FER1L5: variants seen among roughly 807,000 people sequenced by gnomAD.
FER1L5 encodes the protein fer-1-like protein 5.
FER1L5 carries 187 observed loss-of-function variants against 279.9 expected under a neutral mutation model. The observed-to-expected ratio is 0.67, with a 90% confidence interval of 0.59 to 0.75. The LOEUF is 0.75. FER1L5 is among the 30% of genes least tolerant of loss of function. FER1L5 has a pLI of 0.00. For synonymous variants in FER1L5, 921 were observed against 989.7 expected (o/e 0.93, Z 1.30); for missense variants, 2,091 against 2,594.4 (o/e 0.81, Z 4.21).
rs1025195128 is a variant in FER1L5, at chr2:96,699,197, G to T, written c.4610+61G>T. 2.7e-6 allele frequency: 4 copies of T among 1,505,174 alleles called. No homozygotes were observed. In the African/African-American group the frequency reaches 5.5e-5, roughly 21 times the overall value. The allele number at this position is 1,505,174 out of a possible 1,614,324, so 93.2% of individuals were successfully genotyped here. ...TCCTATCCACACCACACTGGAAGTCGGCCGGAGAAGGCACAGAACTCTGGC... is the reference window on the plus strand; with the variant it reads ...TCCTATCCACACCACACTGGAAGTCTGCCGGAGAAGGCACAGAACTCTGGC... On this transcript the variant is annotated intron_variant, in intron 42 of 52. Transcript: ENST00000624922.
Position 96,698,833 on chromosome 2 carries a change from G to A in FER1L5, c.4518+1G>A, listed in dbSNP as rs777946868. 2 of 1,558,990 alleles carry A rather than the reference G, an allele frequency of 1.3e-6. No individual in the cohort carries two copies. Among genetic ancestry groups the A allele is most frequent in the South Asian group, 2.4e-5 (2 of 84,404 alleles). On this transcript the variant is annotated splice_donor_variant, in intron 41 of 52. Coordinates refer to ENST00000624922, the MANE Select transcript of FER1L5 (RefSeq NM_001293083.2). LOFTEE classifies it high-confidence loss of function. This position sits in a 1 kb window ranked among gnomAD's most constrained non-coding sequence, Gnocchi z 5.5. ...GCAGCCCCAGGACTACAATGGCCTG[G>A]TAAAGAACAGTACCTGCCCCACACA...
chr2:96,686,139 C>T (rs896307291), intron 22 of FER1L5, 22 bp downstream of exon 22: 7 of 1,547,356 alleles, frequency 4.5e-6, no homozygotes, highest in Non-Finnish European at 6.1e-6. Flanking sequence ...ACACACTGGC[C>T]TGCAGCAGGG....
chr2:96,689,369 C>G lies in FER1L5; in HGVS notation c.2518C>G (p.Gln840Glu), dbSNP rs2077053248. ...HWQDSWTVEP[Q>E]RRLLLDIDIN... Reference sequence around the variant, plus strand: ...GCAGGACAGCTGGACAGTGGAACCTCAGAGAAGGTAAGGCCAGAGGGGGCA... The same window carrying G: ...GCAGGACAGCTGGACAGTGGAACCTGAGAGAAGGTAAGGCCAGAGGGGGCA... The change falls in exon 25 of 53, where the codon CAG (glutamine) becomes GAG (glutamate). Residue 840 changes from glutamine to glutamate, a missense_variant. Gln to Glu is a conservative substitution (Grantham distance 29). Coordinates refer to ENST00000624922, the MANE Select transcript of FER1L5 (RefSeq NM_001293083.2). This position sits in a 1 kb window ranked among gnomAD's most constrained non-coding sequence, Gnocchi z 4.6. 3 of 1,549,714 alleles carry G rather than the reference C, an allele frequency of 1.9e-6. No homozygotes were observed. In the African/African-American group the frequency reaches 4.1e-5, roughly 21 times the overall value.
chr2:96,686,276 T>G lies in FER1L5; in HGVS notation c.2155T>G (p.Ser719Ala). Residue 719 changes from serine (S) to alanine (A), a missense_variant, in exon 23 of 53, where the codon TCC (serine) becomes GCC (alanine). Coordinates refer to ENST00000624922, the MANE Select transcript of FER1L5 (RefSeq NM_001293083.2). ...RVAYAQVPAH[S>A]VLFSPAGALH... ...GGCCTATGCACAGGTGCCTGCCCAC[T>G]CCGTCCTCTTCTCCCCGGCAGGGGC... 1 of 1,551,596 alleles carries G rather than the reference T, an allele frequency of 6.4e-7. No individual in the cohort carries two copies. Among genetic ancestry groups the G allele is most frequent in the Non-Finnish European group, 8.7e-7 (1 of 1,146,964 alleles).
chr2:96,647,963 G>T, intron 4 of FER1L5, 77 bp downstream of exon 4: 1 of 1,179,152 alleles, frequency 8.5e-7, no homozygotes, highest in Non-Finnish European at 1.2e-6. Flanking sequence ...CACACCACAA[G>T]AGTGCTTCCT....
intron 5 of FER1L5, 91 bp downstream of exon 5, chr2:96,649,768 G>T: frequency 8.0e-7 from 1 of 1,248,908 alleles, no homozygotes; most frequent in Non-Finnish European, 1.1e-6. Flanking sequence ...TCAAAACCCA[G>T]CCCTTGAGGC....
chr2:96,661,461 G>T (rs2075951711), intron 11 of FER1L5, 21 bp downstream of exon 11: 1 of 1,549,098 alleles, frequency 6.5e-7, no homozygotes, highest in East Asian at 2.4e-5. Flanking sequence ...CCTAACCCCG[G>T]AAACTTTCCT....
At position 96,667,370 on chromosome 2, in the gene FER1L5, G is replaced by A. The variant is rs557381169; in HGVS notation, c.1141-1381G>A. 4.1e-5 allele frequency among the ~76,000 whole-genome samples: 6 copies of A among 147,414 alleles called. No individual in the cohort carries two copies. The South Asian group carries it at 6.4e-4, about 16-fold the overall frequency. ...TTCTTTTTTTTTTTTTTTTTGAGAC[G>A]GAGTTTCGCTCTTGTTGCCTAGGCT... On this transcript the variant is annotated intron_variant, in intron 14 of 52. Transcript: ENST00000624922.
At chr2:96,673,753 T>G (rs1283195477) in intron 19 of FER1L5, among the ~76,000 whole-genome samples, 1 of 152,146 alleles carries the variant, frequency 6.6e-6, no homozygotes, top group East Asian at 1.9e-4. Context: ...GCCAGCAGCA[T>G]CCGCATCACC....
At chr2:96,648,476 G>A (rs557618394) in intron 4 of FER1L5, among the ~76,000 whole-genome samples, 1 of 152,208 alleles carries the variant, frequency 6.6e-6, no homozygotes, top group Non-Finnish European at 1.5e-5. Context: ...TGGAGGCTAC[G>A]GGGGAGCCCA....
Position 96,697,628 on chromosome 2 carries a change from CCCGAGGCCAGAATGATCCT to C in FER1L5, c.4135-30_4135-12del. Reference sequence around the variant, plus strand: ...GCAGGGAGGTGGGGGGCTGCCCCTGCCCGAGGCCAGAATGATCCTCTTCTCTGCCAGGATGAGTATGAGC... The same window carrying C: ...GCAGGGAGGTGGGGGGCTGCCCCTGCCTTCTCTGCCAGGATGAGTATGAGC... On this transcript the variant is annotated splice_polypyrimidine_tract_variant and intron_variant, in intron 38 of 52. Coordinates refer to ENST00000624922, the MANE Select transcript of FER1L5 (RefSeq NM_001293083.2). The C allele has an allele frequency of 6.2e-7, 1 of 1,613,844 alleles. No individual in the cohort carries two copies. Among genetic ancestry groups the C allele is most frequent in the South Asian group, 1.1e-5 (1 of 91,068 alleles).
chr2:96,677,093 C>T (rs1251684762), intron 19 of FER1L5, among the ~76,000 whole-genome samples: 1 of 152,248 alleles, frequency 6.6e-6, no homozygotes, highest in Admixed American at 6.5e-5. Flanking sequence ...CCGCTCGCCT[C>T]AGCTTCCTAA....
At position 96,694,192 on chromosome 2, in the gene FER1L5, G is replaced by C; in HGVS notation, c.3636+120G>C. 1 of 1,402,366 alleles carries C rather than the reference G, an allele frequency of 7.1e-7. No homozygotes were observed. Among genetic ancestry groups the C allele is most frequent in the African/African-American group, 1.4e-5 (1 of 69,496 alleles). The allele number at this position is 1,402,366 out of a possible 1,614,324, so 86.9% of individuals were successfully genotyped here. ...AAATGCCTGGGGCCCAGGATCCCGAGCTGTGGGCTTGGTGACGCTGGCCTG... is the reference window on the plus strand; with the variant it reads ...AAATGCCTGGGGCCCAGGATCCCGACCTGTGGGCTTGGTGACGCTGGCCTG... On this transcript the variant is annotated intron_variant, in intron 33 of 52. Coordinates refer to ENST00000624922, the MANE Select transcript of FER1L5 (RefSeq NM_001293083.2). This position sits in a 1 kb window ranked among gnomAD's most constrained non-coding sequence, Gnocchi z 4.6.
Position 96,698,719 on chromosome 2 carries a change from C to T in FER1L5, c.4405C>T (p.Pro1469Ser), listed in dbSNP as rs866819675. The change falls in exon 41 of 53, where the codon CCC becomes TCC. Residue 1469 changes from proline (P) to serine (S), a missense_variant. Physicochemically the swap from Pro to Ser is moderately conservative, Grantham distance 74. Transcript: ENST00000624922. The surrounding 1 kb of genome is among the most constrained non-coding windows in gnomAD (Gnocchi z 5.5). ...TCCTGAGAATCCAGAAGCCCCAAAG[C>T]CCCCGCTGCAGTTCTTGGTTTGGCC... ...PFPENPEAPK[P>S]PLQFLVWPER... is the part of the protein sequence containing the mutation. 1.9e-6 allele frequency: 3 copies of T among 1,582,944 alleles called. No individual in the cohort carries two copies. Among genetic ancestry groups the T allele is most frequent in the Non-Finnish European group, 2.6e-6 (3 of 1,165,212 alleles).
In FER1L5 at chr2:96,693,611, T is replaced by G. The variant is rs1416572583; in HGVS notation, c.3398T>G (p.Leu1133Arg). ...CAGACACTCATCTTCCAGCACCTCC[T>G]TCTGTACGAGAACCCACAGGACACC... The part of the protein sequence containing the change: ...WAQTLIFQHL[L>R]LYENPQDTKE... The change falls in exon 32 of 53, where the codon CTT (leucine) becomes CGT (arginine). Residue 1133 changes from leucine (L) to arginine (R), a missense_variant. Transcript: ENST00000624922. 8 of 1,551,602 alleles carry G rather than the reference T, an allele frequency of 5.2e-6. No homozygotes were observed. The highest frequency in any genetic ancestry group is 1.4e-5 in the African/African-American group (1 of 73,044).
At chr2:96,699,745 A>C (rs754810854) in intron 43 of FER1L5, 25 bp downstream of exon 43, 5 of 1,612,358 alleles carry the variant, frequency 3.1e-6, no homozygotes, top group Non-Finnish European at 4.2e-6. Context: ...GTCTGGGGGA[A>C]GGGAGTCAGG....
rs2075374767 is a variant in FER1L5 at position 96,651,401 on chromosome 2, C to CCCTTCTTTCTTTCTTTCTTTTCCTTCCTT, written c.505-487_505-459dup. On this transcript the variant is annotated intron_variant, in intron 6 of 52. Coordinates refer to ENST00000624922, the MANE Select transcript of FER1L5 (RefSeq NM_001293083.2). ...CTTTCCTTTCTTTTCCTTCCTCCCTCCCTTCTTTCTTTCTTTCTTTTCCTT... is the reference window on the plus strand; with the variant it reads ...CTTTCCTTTCTTTTCCTTCCTCCCTCCCTTCTTTCTTTCTTTCTTTTCCTTCCTTCCTTCTTTCTTTCTTTCTTTTCCTT... Among the ~76,000 whole-genome samples the CCCTTCTTTCTTTCTTTCTTTTCCTTCCTT allele has an allele frequency of 2.7e-5, 4 of 148,376 alleles. No individual in the cohort carries two copies. The South Asian group carries it at 8.8e-4, about 33-fold the overall frequency.
intron 19 of FER1L5, among the ~76,000 whole-genome samples, chr2:96,675,785 T>G (rs953944200): frequency 6.6e-6 from 1 of 152,036 alleles, no homozygotes; most frequent in Non-Finnish European, 1.5e-5. Flanking sequence ...CTAGCACCAC[T>G]ACGCCCAGCT....
intron 2 of FER1L5, among the ~76,000 whole-genome samples, chr2:96,646,807 C>G (rs1347728877): frequency 6.6e-6 from 1 of 152,188 alleles, no homozygotes; most frequent in Non-Finnish European, 1.5e-5. Context: ...CTGCCCCTCA[C>G]CCCATTCCTA....
Sources: allele counts gnomAD v4.1 joint callset (sites outside exome capture counted in the v4.1 genomes callset), GRCh38; gene constraint gnomAD v4.1.1; non-coding constraint Gnocchi (gnomAD v3.1); transcripts MANE v1.5; gene names NCBI Gene and HGNC (gene_info 2026-07-23, HGNC 2026-07-21).